PRKN: variants seen among roughly 807,000 people sequenced by gnomAD.
PRKN encodes E3 ubiquitin-protein ligase parkin.
PRKN carries 56 observed loss-of-function variants against 59.5 expected under a neutral mutation model. The ratio of observed to expected loss-of-function variants is 0.94; its 90% confidence interval spans 0.76 to 1.18. The LOEUF (loss-of-function observed/expected upper bound fraction) is 1.18, where lower values mean the gene tolerates loss of function less well. Among genes scored for constraint, PRKN ranks in the 50% most tolerant of loss-of-function variants. The probability of loss-of-function intolerance (pLI) is 0.00; values close to 1 mark genes in which losing one functional copy is unlikely to be tolerated. For missense variants in PRKN, 657 were observed against 596.4 expected, an observed-to-expected ratio of 1.10 and a Z score of -1.06; for synonymous variants, 250 against 222.1, an observed-to-expected ratio of 1.13 and a Z score of -1.12.
chr6:162,048,685 A>T (rs1582952859), intron 5 of PRKN, among the ~76,000 whole-genome samples: 2 of 151,276 alleles, frequency 1.3e-5, no homozygotes, highest in South Asian at 2.1e-4. Context: ...CTTGGGCCAC[A>T]CATATAATAC....
rs1439256569 is a variant in PRKN at position 161,359,462 on chromosome 6, G to A, written c.1285+626C>T. ...AGGCTGCGCCTGGCTTCGTGTCATT[G>A]CTCATCTGTGATGGTGCCGCTGACT... On this transcript the variant is annotated intron_variant, in intron 11 of 11. Coordinates refer to ENST00000366898, the MANE Select transcript of PRKN (RefSeq NM_004562.3). The surrounding 1 kb of genome is among the most constrained non-coding windows in gnomAD (Gnocchi z 5.4). Among the ~76,000 whole-genome samples the A allele has an allele frequency of 6.6e-6, 1 of 152,204 alleles. No individual in the cohort carries two copies. Among genetic ancestry groups the A allele is most frequent in the Non-Finnish European group, 1.5e-5 (1 of 68,028 alleles).
At chr6:162,680,111 C>A (rs1779713225) in intron 1 of PRKN, among the ~76,000 whole-genome samples, 1 of 151,518 alleles carries the variant, frequency 6.6e-6, no homozygotes, top group Non-Finnish European at 1.5e-5. Context: ...AACACATTTT[C>A]TTTTCTTCCT....
chr6:162,416,642 A>G (rs1365470888), intron 2 of PRKN, among the ~76,000 whole-genome samples: 4 of 152,214 alleles, frequency 2.6e-5, no homozygotes, highest in Non-Finnish European at 5.9e-5. Context: ...TTTCTAGACT[A>G]TTCCTGTAGT....
intron 5 of PRKN, among the ~76,000 whole-genome samples, chr6:161,982,022 G>A (rs1321715825): frequency 6.6e-6 from 1 of 152,156 alleles, no homozygotes; most frequent in Admixed American, 6.5e-5. Flanking sequence ...ATGTCTTCAA[G>A]AAGTCTAACT....
rs560003907 is a variant in PRKN, at chr6:161,687,483, T to G, written c.871+98289A>C. Among the ~76,000 whole-genome samples the G allele has an allele frequency of 4.2e-3, 620 of 148,364 alleles. 8 individuals carry two copies. The highest frequency in any genetic ancestry group is 0.015 in the African/African-American group (586 of 39,816). On this transcript the variant is annotated intron_variant, in intron 7 of 11. Coordinates refer to ENST00000366898, the MANE Select transcript of PRKN (RefSeq NM_004562.3). ...TTAAAAAAAAATGTATGTTTTGAGA[T>G]AGAGTCTCTGTCACCCAGGCTGGAG...
rs1043877640 is a variant in PRKN, at chr6:162,670,265, G to A, written c.7+57397C>T. On this transcript the variant is annotated intron_variant, in intron 1 of 11. Coordinates refer to ENST00000366898, the MANE Select transcript of PRKN (RefSeq NM_004562.3). Reference sequence around the variant, plus strand: ...TCTTTTTGTAACTAGCTCTAAGAACGAAAAAAATCTTTATGACAATAACAA... The same window carrying A: ...TCTTTTTGTAACTAGCTCTAAGAACAAAAAAAATCTTTATGACAATAACAA... Among the ~76,000 whole-genome samples the A allele has an allele frequency of 3.3e-5, 5 of 151,948 alleles. No homozygotes were observed. In the South Asian group the frequency reaches 6.2e-4, roughly 19 times the overall value.
intron 9 of PRKN, among the ~76,000 whole-genome samples, chr6:161,469,921 T>A (rs1438282432): frequency 6.6e-6 from 1 of 152,218 alleles, no homozygotes; most frequent in Admixed American, 6.5e-5. Context: ...AGCTATAGCA[T>A]AGCATTAATA....
intron 2 of PRKN, among the ~76,000 whole-genome samples, chr6:162,291,760 G>A (rs776386952): frequency 1.3e-5 from 2 of 151,936 alleles, no homozygotes; most frequent in Non-Finnish European, 2.9e-5. Context: ...GTTATTCACC[G>A]CTACGACAAC....
chr6:162,287,830 T>C (rs1445286527), intron 2 of PRKN, among the ~76,000 whole-genome samples: 1 of 152,126 alleles, frequency 6.6e-6, no homozygotes, highest in Non-Finnish European at 1.5e-5. Context: ...GAGAAAAGCC[T>C]AATGTAGAAT....
At chr6:162,470,515 C>T (rs901133400) in intron 1 of PRKN, among the ~76,000 whole-genome samples, 3 of 151,894 alleles carry the variant, frequency 2.0e-5, no homozygotes, top group South Asian at 2.1e-4. Flanking sequence ...CGCTTGAACC[C>T]GGGAGGCGGA....
chr6:162,495,252 A>C (rs1793005079), intron 1 of PRKN, among the ~76,000 whole-genome samples: 1 of 152,190 alleles, frequency 6.6e-6, no homozygotes, highest in Non-Finnish European at 1.5e-5. Context: ...AAACTACTTA[A>C]TACATATCGT....
At position 161,592,063 on chromosome 6, in the gene PRKN, C is replaced by T. The variant is rs1233392336; in HGVS notation, c.872-22647G>A. On this transcript the variant is annotated intron_variant, in intron 7 of 11. Coordinates refer to ENST00000366898, the MANE Select transcript of PRKN (RefSeq NM_004562.3). This position sits in a 1 kb window ranked among gnomAD's most constrained non-coding sequence, Gnocchi z 4.8. ...TCCTCCCATATACTTAAAATCATCC[C>T]TAGATTATGTATATCTAATACAAAG... 1.3e-5 allele frequency among the ~76,000 whole-genome samples: 2 copies of T among 152,128 alleles called. No homozygotes were observed. Among genetic ancestry groups the T allele is most frequent in the Non-Finnish European group, 2.9e-5 (2 of 68,024 alleles).
chr6:162,010,126 T>C lies in PRKN; in HGVS notation c.619-36709A>G, dbSNP rs969317587. On this transcript the variant is annotated intron_variant, in intron 5 of 11. Coordinates refer to ENST00000366898, the MANE Select transcript of PRKN (RefSeq NM_004562.3). ...GTCTCTTGTTTGCCTTTGCTGCAGA[T>C]GTCACTTCCTCTGGCTCGTGTTAGC... is the stretch of plus-strand genomic sequence containing the variant. 1.3e-3 allele frequency among the ~76,000 whole-genome samples: 195 copies of C among 149,104 alleles called. 4 individuals are homozygous for C. Among genetic ancestry groups the C allele is most frequent in the African/African-American group, 5.0e-5 (2 of 40,184 alleles).
chr6:161,879,471 C>T (rs1794851952), intron 6 of PRKN, among the ~76,000 whole-genome samples: 1 of 151,800 alleles, frequency 6.6e-6, no homozygotes, highest in Admixed American at 6.6e-5. Flanking sequence ...CCTCAGTCTC[C>T]CGAGTAGCTG....
chr6:162,170,236 G>A (rs1311161789), intron 4 of PRKN, among the ~76,000 whole-genome samples: 1 of 152,064 alleles, frequency 6.6e-6, no homozygotes, highest in African/African-American at 2.4e-5. Flanking sequence ...ATCTGCTCTG[G>A]GAAAGAAGAT....
chr6:161,984,813 C>CA (rs918429056), intron 5 of PRKN, among the ~76,000 whole-genome samples: 1 of 152,116 alleles, frequency 6.6e-6, no homozygotes, highest in Admixed American at 6.5e-5. Context: ...TCCCTGACTC[C>CA]AAACGCTTTA....
intron 2 of PRKN, among the ~76,000 whole-genome samples, chr6:162,352,696 C>T (rs1045964330): frequency 1.3e-5 from 2 of 152,160 alleles, no homozygotes; most frequent in African/African-American, 4.8e-5. Flanking sequence ...CATCTCACGT[C>T]TAATTATTTT....
At chr6:162,238,810 T>C (rs1269813888) in intron 3 of PRKN, among the ~76,000 whole-genome samples, 1 of 152,150 alleles carries the variant, frequency 6.6e-6, no homozygotes, top group African/African-American at 2.4e-5. Flanking sequence ...AGGTACAATG[T>C]GCCAGGCACA....
chr6:162,165,122 G>A (rs1782920490), intron 4 of PRKN, among the ~76,000 whole-genome samples: 1 of 148,660 alleles, frequency 6.7e-6, no homozygotes, highest in South Asian at 2.1e-4. Flanking sequence ...AAATAAAAAA[G>A]TAACAACTGC....
Sources: allele counts gnomAD v4.1 joint callset (sites outside exome capture counted in the v4.1 genomes callset), GRCh38; gene constraint gnomAD v4.1.1; non-coding constraint Gnocchi (gnomAD v3.1); transcripts MANE v1.5; gene names NCBI Gene and HGNC (gene_info 2026-07-23, HGNC 2026-07-21).